Variants in ADGRB3 observed in about 807,000 individuals in gnomAD.
ADGRB3 encodes the protein adhesion G protein-coupled receptor B3.
In ADGRB3, 37 loss-of-function variants were observed where a neutral mutation model predicts 193.4. The ratio of observed to expected loss-of-function variants is 0.19; its 90% CI spans 0.15 to 0.25. The LOEUF is 0.25. ADGRB3 is among the 10% of genes least tolerant of loss of function. The pLI is 1.00. For missense variants in ADGRB3, 1,637 were observed against 1,852.9 expected (o/e 0.88, Z 2.14); for synonymous variants, 690 against 644.2 (o/e 1.07, Z -1.08).
intron 3 of ADGRB3, among the ~76,000 whole-genome samples, chr6:68,831,088 C>G (rs1046147540): frequency 6.6e-6 from 1 of 151,574 alleles, no homozygotes; most frequent in African/African-American, 2.4e-5. Context: ...AAGTGGGAAA[C>G]TCCTGCAATA....
intron 3 of ADGRB3, among the ~76,000 whole-genome samples, chr6:68,820,417 A>T (rs1177337219): frequency 1.3e-5 from 2 of 151,972 alleles, no homozygotes; most frequent in African/African-American, 4.8e-5. Flanking sequence ...TTTGATACAG[A>T]TGGAGAATGT....
At chr6:69,056,041 G>C (rs909722601) in intron 15 of ADGRB3, among the ~76,000 whole-genome samples, 2 of 152,060 alleles carry the variant, frequency 1.3e-5, no homozygotes, top group African/African-American at 4.8e-5. Context: ...ATGTTGGCCA[G>C]GCTGGTCTCA....
At chr6:68,806,089 C>T (rs1472449358) in intron 3 of ADGRB3, among the ~76,000 whole-genome samples, 3 of 152,100 alleles carry the variant, frequency 2.0e-5, no homozygotes, top group Non-Finnish European at 4.4e-5. Flanking sequence ...ACTCATTTAC[C>T]AGATGTTTAG....
intron 24 of ADGRB3, among the ~76,000 whole-genome samples, chr6:69,336,579 C>G (rs1255225942): frequency 6.6e-6 from 1 of 151,952 alleles, no homozygotes; most frequent in Non-Finnish European, 1.5e-5. Context: ...CTGGAGCAGA[C>G]AGAACTACCT....
chr6:68,786,160 A>G (rs1766964436), intron 3 of ADGRB3, among the ~76,000 whole-genome samples: 1 of 152,036 alleles, frequency 6.6e-6, no homozygotes, highest in Admixed American at 6.5e-5. Context: ...TAGTTTAATT[A>G]GATCCCATTT....
intron 3 of ADGRB3, among the ~76,000 whole-genome samples, chr6:68,684,853 T>C (rs1363199958): frequency 1.3e-5 from 2 of 152,124 alleles, no homozygotes; most frequent in African/African-American, 4.8e-5. Context: ...TCAAGTAATA[T>C]TTAGACTTGG....
At chr6:68,666,697 TTAAC>T (rs1307676593) in intron 3 of ADGRB3, among the ~76,000 whole-genome samples, 4 of 152,020 alleles carry the variant, frequency 2.6e-5, no homozygotes, top group Non-Finnish European at 4.4e-5. Flanking sequence ...AATTTTGTCA[TTAAC>T]TATTTTTATT....
intron 17 of ADGRB3, among the ~76,000 whole-genome samples, chr6:69,130,784 A>T (rs892803548): frequency 9.2e-5 from 14 of 152,064 alleles, no homozygotes; most frequent in African/African-American, 2.9e-4. Flanking sequence ...TTCTTGAATG[A>T]CACAATGATT....
intron 6 of ADGRB3, among the ~76,000 whole-genome samples, chr6:68,950,289 C>G (rs1767881232): frequency 6.6e-6 from 1 of 152,092 alleles, no homozygotes; most frequent in South Asian, 2.1e-4. Flanking sequence ...ACTTATACCT[C>G]CAACTGCAAG....
chr6:69,184,847 A>T (rs1765036453), intron 17 of ADGRB3, among the ~76,000 whole-genome samples: 2 of 152,130 alleles, frequency 1.3e-5, no homozygotes, highest in African/African-American at 4.8e-5. Flanking sequence ...GTGCCACAAA[A>T]CTTACTTGCC....
At position 69,357,310 on chromosome 6, in the gene ADGRB3, C is replaced by T. The variant is rs1769356836; in HGVS notation, c.3595+1450C>T. Among the ~76,000 whole-genome samples, 2 of 151,894 alleles carry T rather than the reference C, an allele frequency of 1.3e-5. 1 individual carries two copies. The highest frequency in any genetic ancestry group is 4.2e-4 in the South Asian group (2 of 4,818). On this transcript the variant is annotated intron_variant, in intron 28 of 31. Transcript: ENST00000370598. Reference sequence around the variant, plus strand: ...TTTTTGTAGAAGTTGTCAGGGCATCCCCAGTCTTATTTGTAAAGGTTTTGT... The same window carrying T: ...TTTTTGTAGAAGTTGTCAGGGCATCTCCAGTCTTATTTGTAAAGGTTTTGT...
chr6:69,058,423 T>C (rs1771612279), intron 15 of ADGRB3, among the ~76,000 whole-genome samples: 1 of 151,970 alleles, frequency 6.6e-6, no homozygotes, highest in South Asian at 2.1e-4. Flanking sequence ...TTTACATGGG[T>C]TTGCTATTTT....
At chr6:68,956,316 T>C in intron 7 of ADGRB3, 128 bp downstream of exon 7, 1 of 995,112 alleles carries the variant, frequency 1.0e-6, no homozygotes, top group African/African-American at 1.6e-5. Context: ...TGTGTGTGTG[T>C]GTGTGTGTGT....
In ADGRB3 at chr6:68,665,809, T is replaced by G. The variant is rs115502823; in HGVS notation, c.757+26377T>G. On this transcript the variant is annotated intron_variant, in intron 3 of 31. Coordinates refer to ENST00000370598, the MANE Select transcript of ADGRB3 (RefSeq NM_001704.3). ...TATACTTATGATTTGGATTATAAGT[T>G]AACACCTTTGTATTCATGTACAGAG... 4.4e-3 allele frequency among the ~76,000 whole-genome samples: 672 copies of G among 151,966 alleles called. 3 individuals carry two copies. The highest frequency in any genetic ancestry group is 0.015 in the African/African-American group (642 of 41,514).
chr6:69,137,842 T>C (rs1247596321), intron 17 of ADGRB3, among the ~76,000 whole-genome samples: 1 of 152,128 alleles, frequency 6.6e-6, no homozygotes, highest in Non-Finnish European at 1.5e-5. Flanking sequence ...GTACGATGCC[T>C]AAACACAATA....
At chr6:68,928,340 A>C (rs1767241824) in intron 3 of ADGRB3, among the ~76,000 whole-genome samples, 1 of 152,234 alleles carries the variant, frequency 6.6e-6, no homozygotes, top group African/African-American at 2.4e-5. Context: ...AGTCTGGGAA[A>C]GATAGTGAGA....
At chr6:69,330,627 T>C (rs1582636655) in intron 23 of ADGRB3, 55 bp downstream of exon 23, 1 of 1,427,692 alleles carries the variant, frequency 7.0e-7, no homozygotes, top group East Asian at 2.3e-5. Context: ...AAAAGACTAC[T>C]TTCTTTCAAT....
intron 3 of ADGRB3, among the ~76,000 whole-genome samples, chr6:68,831,315 A>G (rs1177215913): frequency 1.3e-5 from 2 of 151,856 alleles, no homozygotes; most frequent in African/African-American, 4.8e-5. Flanking sequence ...AAAAAAAAAA[A>G]AAAAAAAAAA....
chr6:69,144,447 TA>T (rs1774424964), intron 17 of ADGRB3, among the ~76,000 whole-genome samples: 2 of 152,238 alleles, frequency 1.3e-5, no homozygotes, highest in East Asian at 1.9e-4. Context: ...AGTATCATGT[TA>T]AATAACTGTG....
Sources: gnomAD v4.1 joint callset for allele counts (sites outside exome capture counted in the v4.1 genomes callset) on GRCh38, gnomAD v4.1.1 for gene constraint, MANE v1.5 for transcripts, NCBI Gene and HGNC (gene_info 2026-07-23, HGNC 2026-07-21) for gene names.